The following FREM3 variants were observed in gnomAD, a reference collection of about 807,000 sequenced individuals.
FREM3 encodes the protein FRAS1-related extracellular matrix protein 3.
FREM3 carries 105 observed loss-of-function variants against 129.1 expected under a neutral mutation model. That is an observed-to-expected ratio of 0.81 (90% CI 0.69 to 0.96). FREM3 has a LOEUF of 0.96. Ranked by LOEUF, FREM3 falls within the 40% of genes least tolerant of loss-of-function variation. The pLI, the probability that FREM3 is intolerant of heterozygous loss-of-function variation, is 0.00. For missense variants in FREM3, 2,593 were observed against 2,666.3 expected, an observed-to-expected ratio of 0.97 and a Z score of 0.61; for synonymous variants, 1,014 against 1,044.9, an observed-to-expected ratio of 0.97 and a Z score of 0.57.
intron 6 of FREM3, among the ~76,000 whole-genome samples, chr4:143,606,550 T>C (rs1014513916): frequency 2.0e-5 from 3 of 151,896 alleles, no homozygotes; most frequent in South Asian, 4.2e-4. Context: ...AGGAAGAAAA[T>C]ATTTATCTAT....
At position 143,688,339 on chromosome 4, in the gene FREM3, G is replaced by A. The variant is rs546745023; in HGVS notation, c.5275+4774C>T. Among the ~76,000 whole-genome samples the A allele has an allele frequency of 2.0e-5, 3 of 152,126 alleles. No individual in the cohort carries two copies. In the South Asian group the frequency reaches 6.2e-4, roughly 32 times the overall value. ...CCAAGGAGTCAAAAGACCTCTACAAGGAAAAGCACAAAACACTACTGAAAG... is the reference window on the plus strand; with the variant it reads ...CCAAGGAGTCAAAAGACCTCTACAAAGAAAAGCACAAAACACTACTGAAAG... On this transcript the variant is annotated intron_variant, in intron 2 of 7. Transcript: ENST00000329798.
chr4:143,590,634 A>G (rs1381739962), intron 6 of FREM3, among the ~76,000 whole-genome samples: 4 of 152,080 alleles, frequency 2.6e-5, no homozygotes, highest in Non-Finnish European at 4.4e-5. Context: ...GCTGGATTCA[A>G]TTTGCCAGTA....
chr4:143,610,213 C>A (rs923850707), intron 6 of FREM3, among the ~76,000 whole-genome samples: 2 of 152,086 alleles, frequency 1.3e-5, no homozygotes, highest in African/African-American at 4.8e-5. Flanking sequence ...CTGAAAATTT[C>A]AGAGATCTGG....
intron 1 of FREM3, among the ~76,000 whole-genome samples, chr4:143,694,941 T>C (rs1032816146): frequency 6.6e-6 from 1 of 152,208 alleles, no homozygotes; most frequent in African/African-American, 2.4e-5. Flanking sequence ...GGGACCTGCC[T>C]CTAGCTCATG....
intron 2 of FREM3, among the ~76,000 whole-genome samples, chr4:143,648,626 C>A (rs1739460916): frequency 1.3e-5 from 2 of 152,204 alleles, no homozygotes; most frequent in Admixed American, 1.3e-4. Context: ...CTCCTTCCTG[C>A]CACTAAGTGA....
chr4:143,656,404 C>T (rs1739601726), intron 2 of FREM3, among the ~76,000 whole-genome samples: 2 of 152,098 alleles, frequency 1.3e-5, no homozygotes, highest in African/African-American at 4.8e-5. Context: ...AAAATGGAAA[C>T]ATCCAAATGT....
intron 2 of FREM3, among the ~76,000 whole-genome samples, chr4:143,689,669 G>GATAT (rs530574445): frequency 5.9e-4 from 89 of 150,968 alleles, no homozygotes; most frequent in African/African-American, 2.0e-3. Flanking sequence ...AAGAAACTGT[G>GATAT]ATATATATAT....
At chr4:143,641,725 C>T (rs1039264831) in intron 2 of FREM3, among the ~76,000 whole-genome samples, 2 of 152,098 alleles carry the variant, frequency 1.3e-5, no homozygotes, top group South Asian at 2.1e-4. Context: ...CCTGCCAGAC[C>T]ACAAATCAAT....
At chr4:143,649,200 A>G (rs1294281464) in intron 2 of FREM3, 1 of 152,246 alleles carries the variant, frequency 6.6e-6, no homozygotes, top group East Asian at 1.9e-4. Context: ...ATTTCATTGT[A>G]AAGTTTTAAA....
intron 2 of FREM3, among the ~76,000 whole-genome samples, chr4:143,662,068 G>T (rs147834317): frequency 0.54 from 82,467 of 151,414 alleles, 23,405 homozygotes; most frequent in East Asian, 0.71. Flanking sequence ...TTTTTGAAGG[G>T]TTTTTTGTGT....
At chr4:143,579,650 T>G (rs1738098845) in intron 7 of FREM3, among the ~76,000 whole-genome samples, 1 of 152,208 alleles carries the variant, frequency 6.6e-6, no homozygotes, top group Non-Finnish European at 1.5e-5. Flanking sequence ...TAAGGTTTAT[T>G]GTGAAGATTA....
chr4:143,659,149 A>T (rs1739655899), intron 2 of FREM3, among the ~76,000 whole-genome samples: 1 of 150,150 alleles, frequency 6.7e-6, no homozygotes, highest in Non-Finnish European at 1.5e-5. Flanking sequence ...CACAATGTGC[A>T]GGTTACATAT....
chr4:143,624,815 A>G (rs1462376084), intron 3 of FREM3, among the ~76,000 whole-genome samples: 2 of 152,222 alleles, frequency 1.3e-5, no homozygotes, highest in African/African-American at 4.8e-5. Flanking sequence ...TAGGTATTCA[A>G]TACAAATTTT....
At chr4:143,586,890 G>C (rs1738252693) in intron 6 of FREM3, among the ~76,000 whole-genome samples, 1 of 152,168 alleles carries the variant, frequency 6.6e-6, no homozygotes, top group Non-Finnish European at 1.5e-5. Flanking sequence ...TTAGGAAGCA[G>C]ATTCACCATG....
intron 2 of FREM3, among the ~76,000 whole-genome samples, chr4:143,657,006 T>C (rs796875297): frequency 3.7e-4 from 57 of 152,096 alleles, no homozygotes; most frequent in African/African-American, 1.4e-3. Context: ...TTATATACTT[T>C]CGCTCTTTGC....
Position 143,697,278 on chromosome 4 carries a change from C to A in FREM3, c.3398G>T (p.Gly1133Val), listed in dbSNP as rs1238291664. 8 of 1,537,376 alleles carry A rather than the reference C, an allele frequency of 5.2e-6. No homozygotes were observed. Among genetic ancestry groups the A allele is most frequent in the Non-Finnish European group, 7.0e-6 (8 of 1,146,926 alleles). The stretch of plus-strand genomic sequence containing the variant: ...GAGGGAGAAAGCACTGATAGGGCTA[C>A]CAGACTGGGACATTTTTGAACCAGG... ...SAPGSKMSQS[G>V]SPISAFSLRD... The change falls in exon 1 of 8, where the codon GGT becomes GTT. Residue 1133 changes from glycine (G) to valine (V), a missense_variant. By Grantham distance (109) the Gly-to-Val change is moderately radical (BLOSUM62 -3). Coordinates refer to ENST00000329798, the MANE Select transcript of FREM3 (RefSeq NM_001168235.2).
intron 1 of FREM3, among the ~76,000 whole-genome samples, chr4:143,694,646 G>T (rs960830883): frequency 6.6e-6 from 1 of 151,826 alleles, no homozygotes; most frequent in African/African-American, 2.4e-5. Flanking sequence ...TTTTTTTGTT[G>T]TTGTTATACT....
intron 6 of FREM3, among the ~76,000 whole-genome samples, chr4:143,589,409 A>G: frequency 6.6e-6 from 1 of 152,044 alleles, no homozygotes; most frequent in Admixed American, 6.6e-5. Context: ...TCTTGAATTA[A>G]TTTTTGTATA....
rs1020992741 is a variant in FREM3 at position 143,586,003 on chromosome 4, C to CA, written c.6029-11dup. 3 of 1,532,370 alleles carry CA rather than the reference C, an allele frequency of 2.0e-6. No homozygotes were observed. Among genetic ancestry groups the CA allele is most frequent in the East Asian group, 4.9e-5 (2 of 40,882 alleles). The allele number at this position is 1,532,370 out of a possible 1,614,324, so 94.9% of individuals were successfully genotyped here. On this transcript the variant is annotated splice_polypyrimidine_tract_variant and intron_variant, in intron 6 of 7. Coordinates refer to ENST00000329798, the MANE Select transcript of FREM3 (RefSeq NM_001168235.2). ...AAGTGCAGGACAGGTTCTAAAGAGG[C>CA]AAAAAAAGATACACTAAGAATGCTT...
Sources: allele counts gnomAD v4.1 joint callset (sites outside exome capture counted in the v4.1 genomes callset), GRCh38; gene constraint gnomAD v4.1.1; transcripts MANE v1.5; gene names NCBI Gene and HGNC (gene_info 2026-07-23, HGNC 2026-07-21).